Variants in MED1 observed in about 807,000 individuals in gnomAD.
MED1 encodes the protein mediator complex subunit 1.
A neutral mutation model predicts 121.3 loss-of-function variants in MED1; 17 were observed. The ratio of observed to expected loss-of-function variants is 0.14; its 90% CI spans 0.10 to 0.21. The LOEUF is 0.21. Ranked by LOEUF, MED1 falls within the 10% of genes least tolerant of loss-of-function variation. The probability of loss-of-function intolerance (pLI) is 1.00; values close to 1 mark genes in which losing one functional copy is unlikely to be tolerated. For missense variants in MED1, 1,558 were observed against 1,919.4 expected (o/e 0.81, Z 3.52); for synonymous variants, 661 against 694.4 (o/e 0.95, Z 0.76).
chr17:39,427,648 G>C lies in MED1; in HGVS notation c.739+53C>G. Reference sequence around the variant, plus strand: ...AGAGAATAGCAAACCAGAAATTAAAGGCAAGCTGGGCACCGAACAAAACCT... The same window carrying C: ...AGAGAATAGCAAACCAGAAATTAAACGCAAGCTGGGCACCGAACAAAACCT... On this transcript the variant is annotated intron_variant, in intron 10 of 16. Transcript: ENST00000300651. 2.2e-6 allele frequency: 3 copies of C among 1,345,496 alleles called. No homozygotes were observed. The South Asian group carries it at 3.8e-5, about 17-fold the overall frequency. The allele number at this position is 1,345,496 out of a possible 1,614,324, so 83.3% of individuals were successfully genotyped here.
rs749910420 is a variant in MED1, at chr17:39,406,231, C to T, written c.*1244G>A. On this transcript the variant is annotated 3_prime_UTR_variant, in exon 17 of 17. Coordinates refer to ENST00000300651, the MANE Select transcript of MED1 (RefSeq NM_004774.4). Reference sequence around the variant, plus strand: ...TTCATGCTCACCTAGCATTCCAGGCCCCCATTACTTCAAAAGTGAGCTTGA... The same window carrying T: ...TTCATGCTCACCTAGCATTCCAGGCTCCCATTACTTCAAAAGTGAGCTTGA... 6.7e-5 allele frequency: 66 copies of T among 985,330 alleles called. No individual in the cohort carries two copies. The highest frequency in any genetic ancestry group is 7.4e-5 in the Non-Finnish European group (61 of 829,928). The allele number at this position is 985,330 out of a possible 1,614,324, so 61.0% of individuals were successfully genotyped here.
intron 14 of MED1, among the ~76,000 whole-genome samples, chr17:39,416,838 G>A (rs1426673454): frequency 6.6e-6 from 1 of 152,072 alleles, no homozygotes; most frequent in East Asian, 1.9e-4. Context: ...AAATGTTGCT[G>A]TATAAATATG....
intron 1 of MED1, among the ~76,000 whole-genome samples, chr17:39,449,809 CTTTTTT>C (rs71147334): frequency 3.2e-4 from 20 of 61,630 alleles, no homozygotes; most frequent in Non-Finnish European, 5.7e-4. Flanking sequence ...CACACCCGGC[CTTTTTT>C]TTTTTTTTTT....
At chr17:39,446,408 C>G (rs1167982882) in intron 2 of MED1, among the ~76,000 whole-genome samples, 1 of 143,706 alleles carries the variant, frequency 7.0e-6, no homozygotes, top group African/African-American at 2.6e-5. Context: ...CGAGATCGCA[C>G]CACTGCACTC....
At chr17:39,424,602 TA>T in intron 11 of MED1, 24 bp downstream of exon 11, 1 of 1,461,332 alleles carries the variant, frequency 6.8e-7, no homozygotes, top group Non-Finnish European at 9.5e-7. Context: ...TTGACTTTGC[TA>T]CTCTAAAATT....
intron 6 of MED1, among the ~76,000 whole-genome samples, chr17:39,434,867 A>C (rs1052704193): frequency 6.6e-6 from 1 of 152,126 alleles, no homozygotes; most frequent in Non-Finnish European, 1.5e-5. Flanking sequence ...GATAATAAGA[A>C]GAAAATAAAT....
chr17:39,445,490 A>C (rs1357583874), intron 2 of MED1: 2 of 152,036 alleles, frequency 1.3e-5, no homozygotes, highest in Admixed American at 1.3e-4. Context: ...GGGATTACAG[A>C]TGTGAACCAC....
intron 1 of MED1, among the ~76,000 whole-genome samples, chr17:39,448,620 A>G (rs2144779151): frequency 6.6e-6 from 1 of 152,126 alleles, no homozygotes; most frequent in South Asian, 2.1e-4. Context: ...AAAATAAATG[A>G]AAATGCTGGC....
rs201065147 is a variant in MED1 at position 39,415,283 on chromosome 17, C to T, written c.1354G>A (p.Val452Ile). 40 of 1,613,920 alleles carry T rather than the reference C, an allele frequency of 2.5e-5. No individual in the cohort carries two copies. Among genetic ancestry groups the T allele is most frequent in the Middle Eastern group, 3.3e-4 (2 of 6,062 alleles). Residue 452 changes from valine to isoleucine, a missense_variant, in exon 15 of 17, where the codon GTA (valine) becomes ATA (isoleucine). This residue lies in a region of MED1 where 443 missense variants were observed against 532.4 expected (regional missense o/e 0.83). Coordinates refer to ENST00000300651, the MANE Select transcript of MED1 (RefSeq NM_004774.4). ...TCATTCACAGGGTGCTGAAAAGATA[C>T]GCTGAAACGAGACTCTGAGAGAGGA... ...VCPLSESRFS[V>I]SFQHPVNDSL...
chr17:39,429,831 A>C (rs1361179036), intron 9 of MED1, among the ~76,000 whole-genome samples: 1 of 151,970 alleles, frequency 6.6e-6, no homozygotes, highest in Non-Finnish European at 1.5e-5. Context: ...TTATGCTTAT[A>C]ATCCCAACCC....
At chr17:39,441,108 A>G (rs937533771) in intron 3 of MED1, among the ~76,000 whole-genome samples, 1 of 152,226 alleles carries the variant, frequency 6.6e-6, no homozygotes, top group African/African-American at 2.4e-5. Context: ...GTATATACAT[A>G]AAGAGGAGTA....
At chr17:39,420,426 C>G (rs1597858803) in intron 13 of MED1, among the ~76,000 whole-genome samples, 1 of 152,136 alleles carries the variant, frequency 6.6e-6, no homozygotes, top group East Asian at 1.9e-4. Context: ...TTGTCTCCAT[C>G]TCCTGACTTC....
In MED1 at chr17:39,408,954, C is replaced by T; in HGVS notation, c.3267G>A (p.Val1089=). The change falls in exon 17 of 17, where the codon GTG becomes GTA. Residue 1089 remains valine, a synonymous_variant. Transcript: ENST00000300651. This position sits in a 1 kb window ranked among gnomAD's most constrained non-coding sequence, Gnocchi z 4.7. The part of the protein sequence containing the change: ...SHSQYTSSGS[V]SSSGSKSHHS... ...GGTGGCTTTTGCTGCCTGAGGAAGA[C>T]ACAGAACCACTGCTGGTATACTGAC... 10 of 1,614,158 alleles carry T rather than the reference C, an allele frequency of 6.2e-6. No individual in the cohort carries two copies. The highest frequency in any genetic ancestry group is 8.5e-6 in the Non-Finnish European group (10 of 1,180,038).
At chr17:39,430,519 G>A (rs1483714382) in intron 9 of MED1, among the ~76,000 whole-genome samples, 4 of 149,980 alleles carry the variant, frequency 2.7e-5, no homozygotes, top group East Asian at 2.0e-4. Flanking sequence ...GTGAAACCCC[G>A]TCTCCACTAA....
chr17:39,443,126 C>T lies in MED1; in HGVS notation c.211+424G>A, dbSNP rs955168718. 3.1e-4 allele frequency among the ~76,000 whole-genome samples: 46 copies of T among 150,778 alleles called. 1 individual carries two copies. The highest frequency in any genetic ancestry group is 2.6e-3 in the Admixed American group (39 of 15,052). ...ACACTGTTCTCCTGCCTCAGCCTCC[C>T]GAGAAGCTGGGATTATAGGTGCCCG... On this transcript the variant is annotated intron_variant, in intron 3 of 16. Transcript: ENST00000300651.
chr17:39,425,961 T>G (rs2048511343), intron 10 of MED1, among the ~76,000 whole-genome samples: 1 of 152,006 alleles, frequency 6.6e-6, no homozygotes, highest in African/African-American at 2.4e-5. Flanking sequence ...AGAATGCATT[T>G]AAGTAGGATC....
rs2048296552 is a variant in MED1 at position 39,405,541 on chromosome 17, A to C, written c.*1934T>G. On this transcript the variant is annotated 3_prime_UTR_variant, in exon 17 of 17. Coordinates refer to ENST00000300651, the MANE Select transcript of MED1 (RefSeq NM_004774.4). Reference sequence around the variant, plus strand: ...CTCATGAGAAATCCAACCTGGCTGAATGTCTGAGAGGCTGCTACTGTATCA... The same window carrying C: ...CTCATGAGAAATCCAACCTGGCTGACTGTCTGAGAGGCTGCTACTGTATCA... 7.3e-7 allele frequency: 1 copy of C among 1,364,084 alleles called. No individual in the cohort carries two copies. Among genetic ancestry groups the C allele is most frequent in the Non-Finnish European group, 9.4e-7 (1 of 1,058,362 alleles). The allele number at this position is 1,364,084 out of a possible 1,614,324, so 84.5% of individuals were successfully genotyped here.
At chr17:39,436,258 G>A (rs368927529) in intron 6 of MED1, among the ~76,000 whole-genome samples, 1,540 of 151,784 alleles carry the variant, frequency 0.01, 27 homozygotes, top group African/African-American at 0.036. Flanking sequence ...CTACTCGGGA[G>A]GCTGAGGCAG....
At chr17:39,444,404 G>A (rs1282241595) in intron 2 of MED1, among the ~76,000 whole-genome samples, 1 of 151,962 alleles carries the variant, frequency 6.6e-6, no homozygotes, top group Non-Finnish European at 1.5e-5. Flanking sequence ...CTACTCAGCA[G>A]GCTGAGGCAG....
Sources: allele counts gnomAD v4.1 joint callset (sites outside exome capture counted in the v4.1 genomes callset), GRCh38; gene constraint gnomAD v4.1.1; regional missense constraint gnomAD v4.1.1; non-coding constraint Gnocchi (gnomAD v3.1); transcripts MANE v1.5; gene names NCBI Gene and HGNC (gene_info 2026-07-23, HGNC 2026-07-21).